The following MNAT1 variants were observed in gnomAD, a reference collection of about 807,000 sequenced individuals.
MNAT1 encodes the protein MNAT1 component of CDK activating kinase.
MNAT1 carries 43 observed loss-of-function variants against 42.0 expected under a neutral mutation model. The ratio of observed to expected loss-of-function variants is 1.02; its 90% CI spans 0.80 to 1.32. MNAT1 has a LOEUF of 1.32. Among genes scored for constraint, MNAT1 ranks in the 40% most tolerant of loss-of-function variants. The pLI, the probability that MNAT1 is intolerant of heterozygous loss-of-function variation, is 0.00. For missense variants in MNAT1, 306 were observed against 350.4 expected (o/e 0.87, Z 1.01); for synonymous variants, 118 against 120.0 (o/e 0.98, Z 0.11).
chr14:60,940,203 C>G (rs964820254), intron 7 of MNAT1, among the ~76,000 whole-genome samples: 6 of 152,086 alleles, frequency 3.9e-5, no homozygotes, highest in African/African-American at 1.2e-4. Flanking sequence ...CAGTCTGTGT[C>G]TTTTAATTGG....
intron 7 of MNAT1, among the ~76,000 whole-genome samples, chr14:60,950,550 G>T (rs1429280520): frequency 6.6e-6 from 1 of 152,116 alleles, no homozygotes; most frequent in Non-Finnish European, 1.5e-5. Context: ...TTTGAATGCA[G>T]CCCAACACAA....
At chr14:60,751,265 A>AT (rs934980933) in intron 1 of MNAT1, among the ~76,000 whole-genome samples, 109 of 151,166 alleles carry the variant, frequency 7.2e-4, no homozygotes, top group African/African-American at 2.3e-3. Context: ...GACTAAATAC[A>AT]TTTTTTTTTA....
intron 7 of MNAT1, among the ~76,000 whole-genome samples, chr14:60,889,539 G>A (rs1248078807): frequency 6.6e-6 from 1 of 152,128 alleles, no homozygotes; most frequent in Non-Finnish European, 1.5e-5. Context: ...ACATAGGCAT[G>A]GGCAAGGACT....
At chr14:60,875,566 A>G (rs1340777206) in intron 6 of MNAT1, among the ~76,000 whole-genome samples, 2 of 152,092 alleles carry the variant, frequency 1.3e-5, no homozygotes, top group East Asian at 3.9e-4. Context: ...ATTAAATAGT[A>G]ACGTTTCATG....
intron 6 of MNAT1, among the ~76,000 whole-genome samples, chr14:60,825,203 A>G (rs1246828016): frequency 6.6e-6 from 1 of 152,202 alleles, no homozygotes; most frequent in African/African-American, 2.4e-5. Flanking sequence ...GTAGATTAAA[A>G]TCACAACACA....
chr14:60,926,442 TC>T (rs1355348552), intron 7 of MNAT1, among the ~76,000 whole-genome samples: 2 of 152,238 alleles, frequency 1.3e-5, no homozygotes, highest in Non-Finnish European at 2.9e-5. Context: ...TACCTATACT[TC>T]CGACCAAACC....
At chr14:60,798,025 A>G in intron 2 of MNAT1, 62 bp from the exon 3 acceptor site, 1 of 787,976 alleles carries the variant, frequency 1.3e-6, no homozygotes, top group Non-Finnish European at 2.2e-6. Context: ...CAAGCAAACC[A>G]GTTAGATAAT....
intron 6 of MNAT1, among the ~76,000 whole-genome samples, chr14:60,861,442 A>G (rs1462295270): frequency 2.0e-5 from 3 of 152,202 alleles, no homozygotes; most frequent in Non-Finnish European, 4.4e-5. Context: ...AAGACAAAGC[A>G]TATTTGGCAC....
At chr14:60,760,362 C>A (rs2030551006) in intron 1 of MNAT1, among the ~76,000 whole-genome samples, 1 of 152,022 alleles carries the variant, frequency 6.6e-6, no homozygotes, top group Non-Finnish European at 1.5e-5. Context: ...TAATTCCCTG[C>A]AACAGTGTAC....
intron 7 of MNAT1, among the ~76,000 whole-genome samples, chr14:60,967,486 T>C (rs1282380404): frequency 1.3e-5 from 2 of 152,208 alleles, no homozygotes; most frequent in Non-Finnish European, 2.9e-5. Flanking sequence ...TGCCCTTCTT[T>C]GGCTAGATTG....
intron 7 of MNAT1, among the ~76,000 whole-genome samples, chr14:60,951,464 T>C (rs1261680851): frequency 6.6e-6 from 1 of 152,214 alleles, no homozygotes; most frequent in Non-Finnish European, 1.5e-5. Context: ...ATTTTGTGTT[T>C]TCCTCACATA....
chr14:60,906,870 C>G (rs1468193740), intron 7 of MNAT1, among the ~76,000 whole-genome samples: 1 of 152,036 alleles, frequency 6.6e-6, no homozygotes, highest in Non-Finnish European at 1.5e-5. Flanking sequence ...AAGCTATTAA[C>G]ATCTTTATTT....
intron 1 of MNAT1, among the ~76,000 whole-genome samples, chr14:60,790,828 C>T (rs1164422692): frequency 6.6e-6 from 1 of 152,174 alleles, no homozygotes; most frequent in African/African-American, 2.4e-5. Flanking sequence ...AAAATAATAT[C>T]TACATCATAT....
chr14:60,773,184 G>A (rs761569584), intron 1 of MNAT1, among the ~76,000 whole-genome samples: 12 of 152,048 alleles, frequency 7.9e-5, no homozygotes, highest in Non-Finnish European at 1.6e-4. Context: ...TGACCTGCCC[G>A]CCTTTGCCTC....
chr14:60,803,880 A>G (rs1302481449), intron 3 of MNAT1, among the ~76,000 whole-genome samples: 2 of 152,220 alleles, frequency 1.3e-5, no homozygotes, highest in Non-Finnish European at 2.9e-5. Flanking sequence ...AGGGGCACAC[A>G]TGAAGATGGA....
intron 7 of MNAT1, among the ~76,000 whole-genome samples, chr14:60,893,258 G>A: frequency 6.6e-6 from 1 of 151,214 alleles, no homozygotes; most frequent in East Asian, 1.9e-4. Context: ...TTTTAATATT[G>A]CAATTTTTAT....
At chr14:60,932,748 T>C (rs1378726113) in intron 7 of MNAT1, among the ~76,000 whole-genome samples, 2 of 152,080 alleles carry the variant, frequency 1.3e-5, no homozygotes, top group Admixed American at 6.5e-5. Flanking sequence ...TCCTGTGCTC[T>C]AGGATTTATC....
intron 4 of MNAT1, among the ~76,000 whole-genome samples, chr14:60,809,735 A>T (rs1350522169): frequency 6.6e-6 from 1 of 152,054 alleles, no homozygotes; most frequent in Non-Finnish European, 1.5e-5. Context: ...GATCCTTTTA[A>T]TGTGCAGTTG....
chr14:60,750,952 T>C (rs1594722921), intron 1 of MNAT1, among the ~76,000 whole-genome samples: 1 of 152,220 alleles, frequency 6.6e-6, no homozygotes, highest in South Asian at 2.1e-4. Flanking sequence ...AGGCTTAGTA[T>C]GAAAGTTTGT....
Sources: gnomAD v4.1 joint callset for allele counts (sites outside exome capture counted in the v4.1 genomes callset) on GRCh38, gnomAD v4.1.1 for gene constraint, MANE v1.5 for transcripts, NCBI Gene and HGNC (gene_info 2026-07-23, HGNC 2026-07-21) for gene names.